PERP: variants seen among roughly 807,000 people sequenced by gnomAD.
PERP encodes the protein p53 apoptosis effector related to PMP-22.
Under a neutral mutation model 20.3 loss-of-function variants are expected in PERP, and 11 were observed. That is an observed-to-expected ratio of 0.54 (90% CI 0.34 to 0.90). PERP has a LOEUF of 0.90. Ranked by LOEUF, PERP falls within the 40% of genes least tolerant of loss-of-function variation. The pLI is 0.02. For synonymous variants in PERP, 101 were observed against 102.0 expected (o/e 0.99, Z 0.06); for missense variants, 224 against 249.4 (o/e 0.90, Z 0.69).
rs1420630439 is a variant in PERP, at chr6:138,093,893, G to T, written c.356-1625C>A. Among the ~76,000 whole-genome samples, 1,168 of 152,082 alleles carry T rather than the reference G, an allele frequency of 7.7e-3. 22 individuals carry two copies. Among genetic ancestry groups the T allele is most frequent in the African/African-American group, 0.026 (1,092 of 41,492 alleles). On this transcript the variant is annotated intron_variant, in intron 2 of 2. Transcript: ENST00000421351. ...TTTTATTCTTCTAAATACATTTTCT[G>T]TTCTATTTTTCATACTCTTTAAAGG... is the stretch of plus-strand genomic sequence containing the variant.
At chr6:138,094,985 T>G (rs930917249) in intron 2 of PERP, among the ~76,000 whole-genome samples, 1 of 152,116 alleles carries the variant, frequency 6.6e-6, no homozygotes, top group African/African-American at 2.4e-5. Context: ...CTTCCCAAAG[T>G]GCTAGGATTA....
chr6:138,105,061 G>A (rs1232913648), intron 1 of PERP, among the ~76,000 whole-genome samples: 1 of 152,230 alleles, frequency 6.6e-6, no homozygotes, highest in African/African-American at 2.4e-5. Flanking sequence ...CATATCTGCT[G>A]TCTTCTTCCC....
chr6:138,096,313 A>C (rs375741408), intron 2 of PERP, 41 bp downstream of exon 2: 5 of 1,609,516 alleles, frequency 3.1e-6, no homozygotes, highest in Non-Finnish European at 4.2e-6. Context: ...GTCGATGCCC[A>C]CTGAAGGCAT....
Position 138,107,051 on chromosome 6 carries a change from A to G in PERP, c.214+76T>C, listed in dbSNP as rs1299772341. On this transcript the variant is annotated intron_variant, in intron 1 of 2. Transcript: ENST00000421351. The surrounding 1 kb of genome is among the most constrained non-coding windows in gnomAD (Gnocchi z 4.8). ...TCCCCCGACCCTGTGAGGGCCCATC[A>G]CGCGCGGCGGCTTTTGCAGGCCGCG... is the stretch of plus-strand genomic sequence containing the variant. 6.9e-7 allele frequency: 1 copy of G among 1,445,648 alleles called. No individual in the cohort carries two copies. The highest frequency in any genetic ancestry group is 2.1e-5 in the Admixed American group (1 of 46,784). 89.6% of individuals were successfully genotyped at this position (1,445,648 alleles called of 1,614,324 possible). A position where few individuals can be genotyped will look rare whatever the true frequency, so the allele number is the denominator to read the frequency against.
At chr6:138,106,923 T>TTTTTTTTTTTG (rs1775851461) in intron 1 of PERP, among the ~76,000 whole-genome samples, 1 of 148,952 alleles carries the variant, frequency 6.7e-6, no homozygotes, top group Non-Finnish European at 1.5e-5. Flanking sequence ...TTTCTGTTTC[T>TTTTTTTTTTTG]GAGCTTGGTG....
intron 2 of PERP, 55 bp downstream of exon 2, chr6:138,096,299 C>A: frequency 1.3e-6 from 2 of 1,595,788 alleles, no homozygotes; most frequent in South Asian, 2.3e-5. Context: ...TTGACCATTA[C>A]TAAGTCGATG....
intron 2 of PERP, among the ~76,000 whole-genome samples, chr6:138,092,582 G>A (rs975006209): frequency 2.6e-5 from 4 of 152,064 alleles, no homozygotes; most frequent in Non-Finnish European, 5.9e-5. Context: ...GCAAAACTGT[G>A]GCATACAATA....
At chr6:138,099,427 A>C (rs1775741232) in intron 1 of PERP, among the ~76,000 whole-genome samples, 1 of 152,190 alleles carries the variant, frequency 6.6e-6, no homozygotes, top group African/African-American at 2.4e-5. Context: ...TTTTAATTTT[A>C]TGAGTTCAGA....
chr6:138,097,258 G>C (rs868114703), intron 1 of PERP, among the ~76,000 whole-genome samples: 2 of 152,260 alleles, frequency 1.3e-5, no homozygotes, highest in East Asian at 3.9e-4. Flanking sequence ...CTCCAGCCCT[G>C]GGTCATTCTA....
In PERP at chr6:138,092,196, G is replaced by C. The variant is rs648802; in HGVS notation, c.428C>G (p.Pro143Arg). The C allele has an allele frequency of 0.56, 906,444 of 1,613,422 alleles. 257,434 individuals are homozygous for C. Among genetic ancestry groups the C allele is most frequent in the South Asian group, 0.74 (67,055 of 91,048 alleles). Reference sequence around the variant, plus strand: ...CCAGTTATAGATGTAAGTGACAGCAGGGTTGGCATGAAGGGTGAAGGTCTG... The same window carrying C: ...CCAGTTATAGATGTAAGTGACAGCACGGTTGGCATGAAGGGTGAAGGTCTG... Reference protein sequence around the residue: ...YTQTFTLHANPAVTYIYNWAY... With the variant: ...YTQTFTLHANRAVTYIYNWAY... The change falls in exon 3 of 3, where the codon CCT (proline) becomes CGT (arginine). Residue 143 changes from proline (P) to arginine (R), a missense_variant. Coordinates refer to ENST00000421351, the MANE Select transcript of PERP (RefSeq NM_022121.5).
chr6:138,104,046 A>G (rs1167806881), intron 1 of PERP, among the ~76,000 whole-genome samples: 2 of 152,196 alleles, frequency 1.3e-5, no homozygotes, highest in African/African-American at 4.8e-5. Flanking sequence ...TGGTGCACAA[A>G]CTTATCACCA....
At position 138,090,650 on chromosome 6, in the gene PERP, G is replaced by A. The variant is rs895958500; in HGVS notation, c.*1392C>T. On this transcript the variant is annotated 3_prime_UTR_variant, in exon 3 of 3. Transcript: ENST00000421351. Reference sequence around the variant, plus strand: ...AATTGGTTTTGGACACCTAAAATGAGCAAGGCCCTTAAAACTTCAAACAAA... The same window carrying A: ...AATTGGTTTTGGACACCTAAAATGAACAAGGCCCTTAAAACTTCAAACAAA... 3 of 151,734 alleles carry A rather than the reference G, an allele frequency of 2.0e-5. No individual in the cohort carries two copies. Among genetic ancestry groups the A allele is most frequent in the Non-Finnish European group, 4.4e-5 (3 of 67,870 alleles). 9.4% of individuals were successfully genotyped at this position (151,734 alleles called of 1,614,324 possible). A position where few individuals can be genotyped will look rare whatever the true frequency, so the allele number is the denominator to read the frequency against.
Position 138,107,092 on chromosome 6 carries a change from T to C in PERP, c.214+35A>G. On this transcript the variant is annotated intron_variant, in intron 1 of 2. Coordinates refer to ENST00000421351, the MANE Select transcript of PERP (RefSeq NM_022121.5). This position sits in a 1 kb window ranked among gnomAD's most constrained non-coding sequence, Gnocchi z 4.8. ...GCAGGCCGCGGCCCCGAGGGCTTCC[T>C]GGAGGCGGCGACGGCGGCGGCGGCG... is the stretch of plus-strand genomic sequence containing the variant. 6.4e-7 allele frequency: 1 copy of C among 1,574,626 alleles called. No individual in the cohort carries two copies. The highest frequency in any genetic ancestry group is 8.6e-7 in the Non-Finnish European group (1 of 1,161,346).
At chr6:138,099,821 G>A (rs1003112624) in intron 1 of PERP, among the ~76,000 whole-genome samples, 6 of 152,158 alleles carry the variant, frequency 3.9e-5, no homozygotes, top group East Asian at 1.9e-4. Context: ...AAGCCAAGAC[G>A]TGAACATAAA....
In PERP at chr6:138,107,044, G is replaced by A. The variant is rs1255086619; in HGVS notation, c.214+83C>T. 4.1e-5 allele frequency: 57 copies of A among 1,375,606 alleles called. No individual in the cohort carries two copies. Among genetic ancestry groups the A allele is most frequent in the Non-Finnish European group, 5.4e-5 (55 of 1,012,958 alleles). 85.2% of individuals were successfully genotyped at this position (1,375,606 alleles called of 1,614,324 possible). A position where few individuals can be genotyped will look rare whatever the true frequency, so the allele number is the denominator to read the frequency against. On this transcript the variant is annotated intron_variant, in intron 1 of 2. Transcript: ENST00000421351. The surrounding 1 kb of genome is among the most constrained non-coding windows in gnomAD (Gnocchi z 4.8). ...CACTGGCTCCCCCGACCCTGTGAGG[G>A]CCCATCACGCGCGGCGGCTTTTGCA...
chr6:138,099,664 AT>A (rs1488939361), intron 1 of PERP, among the ~76,000 whole-genome samples: 3 of 152,204 alleles, frequency 2.0e-5, no homozygotes, highest in African/African-American at 7.2e-5. Context: ...AATATTAACA[AT>A]TTTACCTATT....
rs1447928487 is a variant in PERP, at chr6:138,089,559, A to T, written c.*2483T>A. On this transcript the variant is annotated 3_prime_UTR_variant, in exon 3 of 3. Coordinates refer to ENST00000421351, the MANE Select transcript of PERP (RefSeq NM_022121.5). ...TTAAAGGGTGGGAACTCAATATTTA[A>T]TTACTGAACCAAAAAGCACCTCAGC... The T allele has an allele frequency of 6.6e-6, 1 of 152,220 alleles. No individual in the cohort carries two copies. The highest frequency in any genetic ancestry group is 2.4e-5 in the African/African-American group (1 of 41,440). The allele number at this position is 152,220 out of a possible 1,614,324, so 9.4% of individuals were successfully genotyped here.
intron 2 of PERP, among the ~76,000 whole-genome samples, chr6:138,092,892 G>A (rs1775613160): frequency 6.6e-6 from 1 of 152,060 alleles, no homozygotes; most frequent in Non-Finnish European, 1.5e-5. Context: ...GGGAGGGCAG[G>A]GGGAAGGGCA....
rs567738979 is a variant in PERP, at chr6:138,096,818, A to G, written c.215-324T>C. On this transcript the variant is annotated intron_variant, in intron 1 of 2. Transcript: ENST00000421351. ...AGTTTGCCACATAACGGGTATATTT[A>G]TAAGGTTCACCCAAGTTCTGACACA... Among the ~76,000 whole-genome samples the G allele has an allele frequency of 1.2e-4, 18 of 152,334 alleles. No homozygotes were observed. In the South Asian group the frequency reaches 2.5e-3, roughly 21 times the overall value.
Sources: allele counts gnomAD v4.1 joint callset (sites outside exome capture counted in the v4.1 genomes callset), GRCh38; gene constraint gnomAD v4.1.1; non-coding constraint Gnocchi (gnomAD v3.1); transcripts MANE v1.5; gene names NCBI Gene and HGNC (gene_info 2026-07-23, HGNC 2026-07-21).